NEO1: variants seen among roughly 807,000 people sequenced by gnomAD.
NEO1 encodes neogenin 1.
NEO1 carries 63 observed loss-of-function variants against 159.7 expected under a neutral mutation model. That is an observed-to-expected ratio of 0.39 (90% confidence interval 0.32 to 0.49). NEO1 has a LOEUF of 0.49. Among genes scored for constraint, NEO1 ranks in the 20% least tolerant of loss-of-function variants. The pLI is 0.85. For missense variants in NEO1, 1,615 were observed against 1,831.0 expected (o/e 0.88, Z 2.15); for synonymous variants, 633 against 662.0 (o/e 0.96, Z 0.67).
chr15:73,095,171 T>C (rs998334165), intron 1 of NEO1, among the ~76,000 whole-genome samples: 8 of 150,698 alleles, frequency 5.3e-5, no homozygotes, highest in African/African-American at 2.0e-4. Flanking sequence ...ATTGTGCCAC[T>C]GCACTCCAGC....
At chr15:73,123,636 A>G (rs1211432459) in intron 3 of NEO1, among the ~76,000 whole-genome samples, 3 of 151,982 alleles carry the variant, frequency 2.0e-5, no homozygotes, top group South Asian at 2.1e-4. Flanking sequence ...TCAATTTTGT[A>G]TATCTTTTCT....
rs757875892 is a variant in NEO1, at chr15:73,293,428, C to A, written c.3781C>A (p.Pro1261Thr). Reference protein sequence around the residue: ...SAHPIHSLDNPHHHFHSSSLA... With the variant: ...SAHPIHSLDNTHHHFHSSSLA... ...CCATCCCATCCATTCCCTCGATAAC[C>A]CTCACCATCATTTCCACTCCAGCAG... The change falls in exon 26 of 29, where the codon CCT becomes ACT. Residue 1261 changes from proline to threonine, a missense_variant. Transcript: ENST00000261908. 5.0e-6 allele frequency: 8 copies of A among 1,614,092 alleles called. No homozygotes were observed. The highest frequency in any genetic ancestry group is 6.8e-6 in the Non-Finnish European group (8 of 1,180,050).
chr15:73,190,789 A>G lies in NEO1; in HGVS notation c.1291+12362A>G, dbSNP rs151220444. 2.4e-3 allele frequency among the ~76,000 whole-genome samples: 358 copies of G among 152,198 alleles called. 1 individual carries two copies. The highest frequency in any genetic ancestry group is 8.2e-3 in the African/African-American group (342 of 41,558). ...ACTGGTGTAATTTGACTTCTTAATCATGAAATTCATGTCTAGGAACTTTCT... is the reference window on the plus strand; with the variant it reads ...ACTGGTGTAATTTGACTTCTTAATCGTGAAATTCATGTCTAGGAACTTTCT... On this transcript the variant is annotated intron_variant, in intron 7 of 28. Transcript: ENST00000261908.
chr15:73,097,256 C>T (rs894368942), intron 1 of NEO1, among the ~76,000 whole-genome samples: 1 of 151,594 alleles, frequency 6.6e-6, no homozygotes, highest in Non-Finnish European at 1.5e-5. Context: ...TGTTGGGGAG[C>T]TTGTGTTGAG....
At chr15:73,176,684 A>G (rs1259818488) in intron 6 of NEO1, 127 bp downstream of exon 6, 12 of 631,030 alleles carry the variant, frequency 1.9e-5, no homozygotes, top group African/African-American at 1.7e-4. Context: ...AAGAATTCAC[A>G]TAGAATGTAA....
At chr15:73,244,954 CAAAAAAAA>C (rs57566986) in intron 9 of NEO1, among the ~76,000 whole-genome samples, 60 of 16,522 alleles carry the variant, frequency 3.6e-3, no homozygotes, top group South Asian at 4.7e-3. Flanking sequence ...GACTCTGTCT[CAAAAAAAA>C]AAAAAAAAAA....
intron 1 of NEO1, among the ~76,000 whole-genome samples, chr15:73,115,802 C>T (rs747678487): frequency 6.6e-6 from 1 of 152,086 alleles, no homozygotes; most frequent in Admixed American, 6.6e-5. Context: ...AAAGAACTGA[C>T]AGGGACTTAG....
intron 7 of NEO1, among the ~76,000 whole-genome samples, chr15:73,234,394 C>G (rs1470244898): frequency 6.6e-6 from 1 of 152,190 alleles, no homozygotes; most frequent in East Asian, 1.9e-4. Flanking sequence ...TCCACAGTCT[C>G]CTAAGCTAGT....
At chr15:73,141,716 C>G (rs1208532232) in intron 5 of NEO1, among the ~76,000 whole-genome samples, 2 of 152,218 alleles carry the variant, frequency 1.3e-5, no homozygotes, top group Non-Finnish European at 2.9e-5. Flanking sequence ...TTCTGCTCTA[C>G]TCTTATCCCT....
chr15:73,216,566 C>T (rs1198429461), intron 7 of NEO1, among the ~76,000 whole-genome samples: 1 of 152,158 alleles, frequency 6.6e-6, no homozygotes, highest in Admixed American at 6.5e-5. Context: ...AAAAGTCTTC[C>T]CCTTTCTCCA....
chr15:73,187,503 A>G (rs969410850), intron 7 of NEO1, among the ~76,000 whole-genome samples: 2 of 152,212 alleles, frequency 1.3e-5, no homozygotes, highest in Admixed American at 6.5e-5. Flanking sequence ...AAAGATACGT[A>G]TCATGTAGTA....
At chr15:73,096,014 A>G (rs1461557554) in intron 1 of NEO1, among the ~76,000 whole-genome samples, 1 of 152,138 alleles carries the variant, frequency 6.6e-6, no homozygotes, top group Non-Finnish European at 1.5e-5. Context: ...GAGTGCTAAA[A>G]TATTGATGCT....
In NEO1 at chr15:73,249,656, T is replaced by G; in HGVS notation, c.1829T>G (p.Val610Gly). The G allele has an allele frequency of 6.2e-7, 1 of 1,613,944 alleles. No individual in the cohort carries two copies. The highest frequency in any genetic ancestry group is 8.5e-7 in the Non-Finnish European group (1 of 1,179,934). Residue 610 changes from valine to glycine, a missense_variant, in exon 11 of 29, where the codon GTG becomes GGG. Around this residue, in one of 3 missense-constraint regions of NEO1, gnomAD observed 1,018 missense variants for 1,115.4 expected, o/e 0.91. Coordinates refer to ENST00000261908, the MANE Select transcript of NEO1 (RefSeq NM_002499.4). ...TATACAGAGTATAGTTTCCGAGTGG[T>G]GGCCTACAATAAACATGGTCCTGGA... ...KKYTEYSFRVVAYNKHGPGVS... is the reference protein window; with the variant it reads ...KKYTEYSFRVGAYNKHGPGVS...
chr15:73,075,790 G>A (rs1251331951), intron 1 of NEO1, among the ~76,000 whole-genome samples: 1 of 152,136 alleles, frequency 6.6e-6, no homozygotes, highest in Non-Finnish European at 1.5e-5. Flanking sequence ...GTGTGTGCTT[G>A]TCAGAATTTG....
chr15:73,117,003 G>C (rs144946985), intron 2 of NEO1, 146 bp downstream of exon 2: 1 of 636,846 alleles, frequency 1.6e-6, no homozygotes, highest in Non-Finnish European at 2.5e-6. Context: ...TATACTCTGC[G>C]TATGGGACCT....
At chr15:73,229,511 A>G (rs2038791739) in intron 7 of NEO1, among the ~76,000 whole-genome samples, 1 of 151,288 alleles carries the variant, frequency 6.6e-6, no homozygotes, top group Non-Finnish European at 1.5e-5. Context: ...TGTCATTCAC[A>G]CATGAAAATA....
chr15:73,173,798 T>G (rs2035116178), intron 5 of NEO1, among the ~76,000 whole-genome samples: 1 of 152,070 alleles, frequency 6.6e-6, no homozygotes, highest in Non-Finnish European at 1.5e-5. Context: ...AGAGCAAATT[T>G]AATATAAAGA....
intron 8 of NEO1, among the ~76,000 whole-genome samples, chr15:73,239,917 C>G (rs1195082333): frequency 6.6e-6 from 1 of 152,158 alleles, no homozygotes. Context: ...CAACCAGGGA[C>G]AGTTTTGCCC....
At chr15:73,149,922 A>G (rs868074768) in intron 5 of NEO1, among the ~76,000 whole-genome samples, 10 of 152,228 alleles carry the variant, frequency 6.6e-5, no homozygotes, top group Middle Eastern at 6.8e-3. Context: ...AATTATAGTC[A>G]CCTTATTGTT....
Sources: allele counts gnomAD v4.1 joint callset (sites outside exome capture counted in the v4.1 genomes callset), GRCh38; gene constraint gnomAD v4.1.1; regional missense constraint gnomAD v4.1.1; transcripts MANE v1.5; gene names NCBI Gene and HGNC (gene_info 2026-07-23, HGNC 2026-07-21).